The following NME7 variants were observed in gnomAD, a reference collection of about 807,000 sequenced individuals.
The protein encoded by NME7 is nucleoside diphosphate kinase 7.
A neutral mutation model predicts 49.1 loss-of-function variants in NME7; 41 were observed. The observed-to-expected ratio is 0.83, with a 90% CI of 0.65 to 1.08. The LOEUF (loss-of-function observed/expected upper bound fraction) is 1.08, where lower values mean the gene tolerates loss of function less well. Ranked by LOEUF, NME7 falls within the 50% of genes least tolerant of loss-of-function variation. The pLI is 0.00. For synonymous variants in NME7, 139 were observed against 150.6 expected (o/e 0.92, Z 0.56); for missense variants, 423 against 463.4 (o/e 0.91, Z 0.80).
intron 7 of NME7, among the ~76,000 whole-genome samples, chr1:169,250,603 G>T (rs1403546514): frequency 6.6e-6 from 1 of 151,906 alleles, no homozygotes; most frequent in Non-Finnish European, 1.5e-5. Context: ...TTTAATGTAG[G>T]TATTTAGCAC....
At chr1:169,224,871 A>C (rs1248861115) in intron 10 of NME7, among the ~76,000 whole-genome samples, 1 of 152,180 alleles carries the variant, frequency 6.6e-6, no homozygotes, top group African/African-American at 2.4e-5. Flanking sequence ...AGTACAGTAA[A>C]ATTTAACAGG....
At chr1:169,279,167 C>T (rs985542844) in intron 7 of NME7, among the ~76,000 whole-genome samples, 29 of 152,222 alleles carry the variant, frequency 1.9e-4, no homozygotes, top group South Asian at 1.0e-3. Flanking sequence ...GCAGTCTGCC[C>T]GTTCTCAGAT....
intron 11 of NME7, among the ~76,000 whole-genome samples, chr1:169,151,126 G>C (rs1487133028): frequency 6.7e-6 from 1 of 149,220 alleles, no homozygotes; most frequent in East Asian, 2.1e-4. Flanking sequence ...TTGGGTATGA[G>C]TCCCACCCCA....
At chr1:169,330,353 G>A (rs553122370) in intron 1 of NME7, among the ~76,000 whole-genome samples, 1 of 152,186 alleles carries the variant, frequency 6.6e-6, no homozygotes, top group Non-Finnish European at 1.5e-5. Flanking sequence ...ACCACAATGT[G>A]GTACCATCTC....
At chr1:169,134,898 A>T (rs896905176) in intron 11 of NME7, among the ~76,000 whole-genome samples, 1 of 151,214 alleles carries the variant, frequency 6.6e-6, no homozygotes, top group African/African-American at 2.4e-5. Context: ...ATTTTAGGCC[A>T]GGCACAGTGG....
intron 7 of NME7, among the ~76,000 whole-genome samples, chr1:169,262,671 C>T (rs900613844): frequency 1.5e-5 from 2 of 133,310 alleles, no homozygotes; most frequent in Non-Finnish European, 3.5e-5. Flanking sequence ...AAAACCTCTT[C>T]AACACGGGAA....
chr1:169,214,355 T>A (rs1660915667), intron 10 of NME7, among the ~76,000 whole-genome samples: 1 of 152,204 alleles, frequency 6.6e-6, no homozygotes, highest in Admixed American at 6.5e-5. Flanking sequence ...AACAGCCTTG[T>A]TTGAAACATG....
intron 3 of NME7, among the ~76,000 whole-genome samples, chr1:169,312,018 T>C (rs1651413469): frequency 2.0e-5 from 3 of 152,148 alleles, no homozygotes; most frequent in South Asian, 4.1e-4. Context: ...GAAGAAACAA[T>C]AGGGTGACAA....
intron 1 of NME7, among the ~76,000 whole-genome samples, chr1:169,327,277 T>A (rs1652093268): frequency 6.6e-6 from 1 of 152,214 alleles, no homozygotes; most frequent in African/African-American, 2.4e-5. Context: ...CCAACTTCTA[T>A]CAAAAGTACT....
intron 9 of NME7, among the ~76,000 whole-genome samples, chr1:169,232,819 G>A (rs1647688973): frequency 1.3e-5 from 2 of 150,462 alleles, no homozygotes; most frequent in African/African-American, 2.4e-5. Context: ...TCTATACAAA[G>A]CAACAGTAAA....
At chr1:169,132,869 C>CCACTT (rs1658278671) in intron 11 of NME7, 52 bp from the exon 12 acceptor site, 2 of 1,524,428 alleles carry the variant, frequency 1.3e-6, no homozygotes, top group South Asian at 1.1e-5. Context: ...TTGGTCTTTT[C>CCACTT]CACTTAACAG....
At chr1:169,170,892 C>T (rs1255980734) in intron 10 of NME7, among the ~76,000 whole-genome samples, 3 of 152,048 alleles carry the variant, frequency 2.0e-5, no homozygotes, top group Non-Finnish European at 2.9e-5. Flanking sequence ...GTGCATTGCA[C>T]TCCAGCCTGG....
chr1:169,287,177 T>A (rs1218085851), intron 7 of NME7, 126 bp downstream of exon 7: 2 of 763,378 alleles, frequency 2.6e-6, no homozygotes, highest in Non-Finnish European at 4.5e-6. Context: ...TTTACTCAAG[T>A]GCCTTCAAAG....
At chr1:169,339,779 T>C (rs1029310145) in intron 1 of NME7, among the ~76,000 whole-genome samples, 1 of 152,202 alleles carries the variant, frequency 6.6e-6, no homozygotes, top group African/African-American at 2.4e-5. Context: ...AGGACCCCCT[T>C]GCCCTTGGAC....
At chr1:169,355,347 T>TATTGTATATTATATATA (rs1653431423) in intron 1 of NME7, among the ~76,000 whole-genome samples, 1 of 48,962 alleles carries the variant, frequency 2.0e-5, no homozygotes, top group Non-Finnish European at 4.6e-5. Flanking sequence ...TATTATATTA[T>TATTGTATATTATATATA]ATATATTAAA....
chr1:169,136,105 C>T (rs1274501863), intron 11 of NME7, among the ~76,000 whole-genome samples: 1 of 48,048 alleles, frequency 2.1e-5, no homozygotes, highest in Non-Finnish European at 5.0e-5. Flanking sequence ...CAGCCAGCCA[C>T]ATATATCGGG....
chr1:169,253,026 G>T (rs892328581), intron 7 of NME7, among the ~76,000 whole-genome samples: 68 of 150,642 alleles, frequency 4.5e-4, no homozygotes, highest in African/African-American at 1.6e-3. Context: ...TTTGGCTTAG[G>T]ATTGACTTGG....
chr1:169,327,115 C>A (rs1286245977), intron 1 of NME7, among the ~76,000 whole-genome samples: 1 of 152,184 alleles, frequency 6.6e-6, no homozygotes, highest in African/African-American at 2.4e-5. Context: ...ATTTCCATAT[C>A]ACTAGCCTTC....
chr1:169,309,638 C>T (rs748412955), intron 4 of NME7, among the ~76,000 whole-genome samples: 2 of 152,088 alleles, frequency 1.3e-5, no homozygotes, highest in Non-Finnish European at 2.9e-5. Flanking sequence ...CCCCCTCACC[C>T]CTCACTAGTT....
Sources: allele counts gnomAD v4.1 joint callset (sites outside exome capture counted in the v4.1 genomes callset), GRCh38; gene constraint gnomAD v4.1.1; transcripts MANE v1.5; gene names NCBI Gene and HGNC (gene_info 2026-07-23, HGNC 2026-07-21).